Variants in RAB13 observed in about 807,000 individuals in gnomAD.
RAB13 encodes the protein RAB13, member RAS oncogene family.
Under a neutral mutation model 29.3 loss-of-function variants are expected in RAB13, and 15 were observed. The ratio of observed to expected loss-of-function variants is 0.51; its 90% CI spans 0.34 to 0.79. RAB13 has a LOEUF of 0.79. Among genes scored for constraint, RAB13 ranks in the 30% least tolerant of loss-of-function variants. RAB13 has a pLI of 0.01. For synonymous variants in RAB13, 82 were observed against 93.8 expected, an observed-to-expected ratio of 0.87 and a Z score of 0.73; for missense variants, 186 against 255.5, an observed-to-expected ratio of 0.73 and a Z score of 1.85.
chr1:153,982,154 C>G lies in RAB13; in HGVS notation c.557G>C (p.Ser186Thr), dbSNP rs2102189903. 6.2e-7 allele frequency: 1 copy of G among 1,614,032 alleles called. No homozygotes were observed. The highest frequency in any genetic ancestry group is 8.5e-7 in the Non-Finnish European group (1 of 1,180,008). The change falls in exon 8 of 8, where the codon AGT becomes ACT. Residue 186 changes from serine (S) to threonine (T), a missense_variant. Ser to Thr is a moderately conservative substitution (Grantham distance 58). Coordinates refer to ENST00000368575, the MANE Select transcript of RAB13 (RefSeq NM_002870.5). ...CTTGTCACAAGTTTTCAGGTCAGTA[C>G]TGGGAGGCTTGTTGCCGTTTCCCTA... ...RRSGNGNKPP[S>T]TDLKTCDKKN...
At chr1:153,983,396 T>G in intron 3 of RAB13, 100 bp from the exon 4 acceptor site, 1 of 1,467,242 alleles carries the variant, frequency 6.8e-7, no homozygotes, top group Non-Finnish European at 9.6e-7. Flanking sequence ...CTAGGCCATG[T>G]TGGGCCCTCT....
intron 1 of RAB13, among the ~76,000 whole-genome samples, chr1:153,985,727 CGGA>C (rs1305054655): frequency 1.4e-5 from 2 of 145,558 alleles, no homozygotes; most frequent in African/African-American, 5.0e-5. Flanking sequence ...AGGCTAGCAT[CGGA>C]TCGGGAGAAA....
At chr1:153,989,391 A>G (rs1472574274), upstream of RAB13, among the ~76,000 whole-genome samples, 2 of 151,088 alleles carry the variant, frequency 1.3e-5, no homozygotes, top group Non-Finnish European at 3.0e-5. Flanking sequence ...CTGGGACTAC[A>G]GGCGCCCGCC....
At chr1:153,988,294 A>ATTTTTTTT (rs552724489), upstream of RAB13, among the ~76,000 whole-genome samples, 1 of 107,552 alleles carries the variant, frequency 9.3e-6, no homozygotes, top group African/African-American at 3.7e-5. Context: ...GCCTGGCCCT[A>ATTTTTTTT]TTTTTTTTTT....
rs144566464 is a variant in RAB13, at chr1:153,982,139, G to A, written c.572C>T (p.Thr191Ile). Reference sequence around the variant, plus strand: ...CTTGTTGGTGTTCTTCTTGTCACAAGTTTTCAGGTCAGTACTGGGAGGCTT... The same window carrying A: ...CTTGTTGGTGTTCTTCTTGTCACAAATTTTCAGGTCAGTACTGGGAGGCTT... Reference protein sequence around the residue: ...GNKPPSTDLKTCDKKNTNKCS... With the variant: ...GNKPPSTDLKICDKKNTNKCS... The change falls in exon 8 of 8, where the codon ACT becomes ATT. Residue 191 changes from threonine (T) to isoleucine (I), a missense_variant. By Grantham distance (89) the Thr-to-Ile change is moderately conservative (BLOSUM62 -1). Coordinates refer to ENST00000368575, the MANE Select transcript of RAB13 (RefSeq NM_002870.5). 71 of 1,614,050 alleles carry A rather than the reference G, an allele frequency of 4.4e-5. No homozygotes were observed. The African/African-American group carries it at 8.4e-4, about 19-fold the overall frequency.
At chr1:153,988,953 C>T (rs1649267567), upstream of RAB13, among the ~76,000 whole-genome samples, 2 of 148,628 alleles carry the variant, frequency 1.3e-5, no homozygotes, top group Non-Finnish European at 3.0e-5. Context: ...CAAAGTTTTG[C>T]TCGTCACCCA....
upstream of RAB13, among the ~76,000 whole-genome samples, chr1:153,989,628 C>CA (rs1340771259): frequency 6.6e-6 from 1 of 151,950 alleles, no homozygotes; most frequent in Non-Finnish European, 1.5e-5. Context: ...CGCGGTGTCT[C>CA]ACGCCTGTAT....
At chr1:153,986,001 A>C in intron 1 of RAB13, 112 bp downstream of exon 1, 1 of 1,515,340 alleles carries the variant, frequency 6.6e-7, no homozygotes, top group Non-Finnish European at 8.9e-7. Flanking sequence ...GAGGGACTAG[A>C]ATTTAGGAGC....
At chr1:153,983,611 A>C in intron 2 of RAB13, 30 bp from the exon 3 acceptor site, 1 of 1,554,328 alleles carries the variant, frequency 6.4e-7, no homozygotes, top group Non-Finnish European at 8.9e-7. Flanking sequence ...CATGGGATGG[A>C]ATAGAGGGAA....
chr1:153,986,083 C>G, intron 1 of RAB13, 30 bp downstream of exon 1: 1 of 1,612,118 alleles, frequency 6.2e-7, no homozygotes, highest in Non-Finnish European at 8.5e-7. Context: ...ACAGGAGAGT[C>G]GGGGTCTGGG....
rs371708064 is a variant in RAB13 at position 153,982,312 on chromosome 1, CACACACACACACACACACACACATACAT to C, written c.534+51_534+78del. ...GTTTTTATCAACACCAACACACACACACACACACACACACACACACACATACATACACACACACACACCCCAGAGTTGT... is the reference window on the plus strand; with the variant it reads ...GTTTTTATCAACACCAACACACACACACACACACACACACCCCAGAGTTGT... On this transcript the variant is annotated intron_variant, in intron 7 of 7. Coordinates refer to ENST00000368575, the MANE Select transcript of RAB13 (RefSeq NM_002870.5). The C allele has an allele frequency of 3.8e-3, 5,485 of 1,458,146 alleles. 110 individuals carry two copies. In the African/African-American group the frequency reaches 0.066, roughly 18 times the overall value. 90.3% of individuals were successfully genotyped at this position (1,458,146 alleles called of 1,614,324 possible). A position where few individuals can be genotyped will look rare whatever the true frequency, so the allele number is the denominator to read the frequency against.
At position 153,981,957 on chromosome 1, in the gene RAB13, C is replaced by G; in HGVS notation, c.*142G>C. 4.3e-6 allele frequency: 3 copies of G among 699,718 alleles called. 1 individual carries two copies. In the South Asian group the frequency reaches 5.4e-5, roughly 13 times the overall value. 43.3% of individuals were successfully genotyped at this position (699,718 alleles called of 1,614,324 possible). ...TCCTTTTTTTCCTTTCTGCTTTTCC[C>G]TTTTCTCCTTTTTCTCCTCATTCTC... On this transcript the variant is annotated 3_prime_UTR_variant, in exon 8 of 8. Coordinates refer to ENST00000368575, the MANE Select transcript of RAB13 (RefSeq NM_002870.5).
intron 1 of RAB13, chr1:153,985,020 T>C (rs1362360599): frequency 2.4e-6 from 3 of 1,236,256 alleles, no homozygotes; most frequent in Non-Finnish European, 3.0e-6. Flanking sequence ...GTGACGAAAA[T>C]TCTGCATGGA....
Position 153,983,286 on chromosome 1 carries a change from A to G in RAB13, c.257T>C (p.Leu86Pro). The change falls in exon 4 of 8, where the codon CTA becomes CCA. Residue 86 changes from leucine to proline, a missense_variant. Coordinates refer to ENST00000368575, the MANE Select transcript of RAB13 (RefSeq NM_002870.5). ...TTTCTCATCCGTGATGTCGTATACT[A>G]GGATAATGCCCTGGGAGATGACAAA... Reference protein sequence around the residue: ...AYYRGAMGIILVYDITDEKSF... With the variant: ...AYYRGAMGIIPVYDITDEKSF... 1.2e-6 allele frequency: 2 copies of G among 1,613,838 alleles called. No individual in the cohort carries two copies. The highest frequency in any genetic ancestry group is 1.7e-6 in the Non-Finnish European group (2 of 1,179,746).
At chr1:153,988,712 C>CA (rs908836736), upstream of RAB13, among the ~76,000 whole-genome samples, 16 of 149,622 alleles carry the variant, frequency 1.1e-4, 1 homozygote, top group Non-Finnish European at 1.8e-4. Flanking sequence ...CTCCCTGGTT[C>CA]AAGCGATTCT....
upstream of RAB13, chr1:153,986,464 G>C (rs1307568338): frequency 1.9e-6 from 1 of 531,216 alleles, no homozygotes; most frequent in African/African-American, 2.0e-5. Context: ...CTGTTCTCTC[G>C]GTTTTCCCTT....
rs566312481 is a variant in RAB13, at chr1:153,981,778, A to G, written c.*321T>C. Reference sequence around the variant, plus strand: ...TAAAACCTGATCTAGTAACAGAATAAATCAGTGTATTTACATTTATGTTTG... The same window carrying G: ...TAAAACCTGATCTAGTAACAGAATAGATCAGTGTATTTACATTTATGTTTG... On this transcript the variant is annotated 3_prime_UTR_variant, in exon 8 of 8. Transcript: ENST00000368575. 34 of 414,116 alleles carry G rather than the reference A, an allele frequency of 8.2e-5. 1 individual carries two copies. In the South Asian group the frequency reaches 8.7e-4, roughly 11 times the overall value. 25.7% of individuals were successfully genotyped at this position (414,116 alleles called of 1,614,324 possible). A position where few individuals can be genotyped will look rare whatever the true frequency, so the allele number is the denominator to read the frequency against.
At position 153,986,141 on chromosome 1, in the gene RAB13, G is replaced by A; in HGVS notation, c.96C>T (p.Asn32=). The A allele has an allele frequency of 1.9e-6, 3 of 1,613,942 alleles. No individual in the cohort carries two copies. The highest frequency in any genetic ancestry group is 1.7e-6 in the Non-Finnish European group (2 of 1,179,970). Residue 32 remains asparagine, a synonymous_variant, in exon 1 of 8, where the codon AAC becomes AAT. Coordinates refer to ENST00000368575, the MANE Select transcript of RAB13 (RefSeq NM_002870.5). ...TCLIIRFAED[N]FNNTYISTIG... is the part of the protein sequence containing the mutation. Reference sequence around the variant, plus strand: ...TGGTGGAGATGTAAGTGTTGTTGAAGTTGTCCTCTGCAAAGCGAATGATCA... The same window carrying A: ...TGGTGGAGATGTAAGTGTTGTTGAAATTGTCCTCTGCAAAGCGAATGATCA...
upstream of RAB13, among the ~76,000 whole-genome samples, chr1:153,987,388 C>T: frequency 6.6e-6 from 1 of 151,736 alleles, no homozygotes; most frequent in East Asian, 1.9e-4. Flanking sequence ...TGGTGGCAGG[C>T]GACTGTAGTC....
Sources: allele counts gnomAD v4.1 joint callset (sites outside exome capture counted in the v4.1 genomes callset), GRCh38; gene constraint gnomAD v4.1.1; transcripts MANE v1.5; gene names NCBI Gene and HGNC (gene_info 2026-07-23, HGNC 2026-07-21).